Variants in ASIC2 observed in about 807,000 individuals in gnomAD.
ASIC2 encodes the protein acid-sensing ion channel 2.
In ASIC2, 25 loss-of-function variants were observed where a neutral mutation model predicts 57.3. That is an observed-to-expected ratio of 0.44 (90% CI 0.32 to 0.61). ASIC2 has a LOEUF of 0.61. Ranked by LOEUF, ASIC2 falls within the 20% of genes least tolerant of loss-of-function variation. The pLI is 0.06. For missense variants in ASIC2, 641 were observed against 738.1 expected, an observed-to-expected ratio of 0.87 and a Z score of 1.52; for synonymous variants, 319 against 307.5, an observed-to-expected ratio of 1.04 and a Z score of -0.39.
At chr17:33,193,304 C>T (rs1906498709) in intron 1 of ASIC2, among the ~76,000 whole-genome samples, 1 of 152,194 alleles carries the variant, frequency 6.6e-6, no homozygotes, top group Admixed American at 6.5e-5. Flanking sequence ...CACCCTCTCC[C>T]AGTTGACTGC....
intron 1 of ASIC2, among the ~76,000 whole-genome samples, chr17:33,546,125 A>AT (rs1915567571): frequency 1.3e-5 from 2 of 150,556 alleles, no homozygotes; most frequent in Non-Finnish European, 3.0e-5. Context: ...ATATATATGT[A>AT]AATATATATA....
intron 3 of ASIC2, among the ~76,000 whole-genome samples, chr17:33,046,862 C>T (rs974407163): frequency 2.6e-5 from 4 of 152,210 alleles, no homozygotes; most frequent in Non-Finnish European, 2.9e-5. Flanking sequence ...CGCTGGAGGC[C>T]GGGCAGAGTC....
intron 1 of ASIC2, among the ~76,000 whole-genome samples, chr17:33,602,109 T>C (rs995243902): frequency 1.3e-5 from 2 of 149,130 alleles, no homozygotes; most frequent in African/African-American, 2.4e-5. Flanking sequence ...TTATGTCTGA[T>C]TTAGATAAGA....
At chr17:33,549,198 A>G (rs1250748463) in intron 1 of ASIC2, among the ~76,000 whole-genome samples, 1 of 152,204 alleles carries the variant, frequency 6.6e-6, no homozygotes, top group African/African-American at 2.4e-5. Flanking sequence ...GCAGTGGAGC[A>G]AGAAGACCTC....
chr17:33,600,785 T>C (rs2055275614), intron 1 of ASIC2, among the ~76,000 whole-genome samples: 1 of 152,142 alleles, frequency 6.6e-6, no homozygotes, highest in African/African-American at 2.4e-5. Flanking sequence ...GCCAAAATCT[T>C]AGCAACTACT....
intron 1 of ASIC2, among the ~76,000 whole-genome samples, chr17:33,198,487 G>A (rs1241996729): frequency 1.3e-5 from 2 of 152,248 alleles, no homozygotes; most frequent in African/African-American, 4.8e-5. Context: ...GACCTGGGAT[G>A]ATACCCACAA....
At position 33,594,974 on chromosome 17, in the gene ASIC2, A is replaced by C. The variant is rs527753841; in HGVS notation, c.556-482907T>G. Among the ~76,000 whole-genome samples the C allele has an allele frequency of 2.0e-4, 31 of 152,224 alleles. 1 individual carries two copies. The South Asian group carries it at 6.2e-3, about 31-fold the overall frequency. On this transcript the variant is annotated intron_variant, in intron 1 of 9. Transcript: ENST00000359872. Reference sequence around the variant, plus strand: ...AGTGGCTCATGCCTGTAATTCTAGCACTTTGGGAGGCCCAGGTGGGATGAT... The same window carrying C: ...AGTGGCTCATGCCTGTAATTCTAGCCCTTTGGGAGGCCCAGGTGGGATGAT...
chr17:33,017,413 C>T (rs536259399), intron 8 of ASIC2, among the ~76,000 whole-genome samples, 192 bp downstream of exon 8: 7 of 152,154 alleles, frequency 4.6e-5, no homozygotes, highest in South Asian at 4.1e-4. Context: ...ACATCCACCG[C>T]CCCCCAAAAA....
At chr17:33,530,955 A>C (rs1349362266) in intron 1 of ASIC2, among the ~76,000 whole-genome samples, 1 of 152,222 alleles carries the variant, frequency 6.6e-6, no homozygotes, top group Non-Finnish European at 1.5e-5. Flanking sequence ...GTTAGCTACT[A>C]TCTTCCCATT....
At chr17:33,941,147 A>G (rs1916183773) in intron 1 of ASIC2, among the ~76,000 whole-genome samples, 1 of 152,116 alleles carries the variant, frequency 6.6e-6, no homozygotes, top group Admixed American at 6.5e-5. Context: ...AGCCTAGGTG[A>G]GCTCAACTGT....
At position 33,342,176 on chromosome 17, in the gene ASIC2, T is replaced by A. The variant is rs569857515; in HGVS notation, c.556-230109A>T. ...GGGAGCCTCAACAATACCACTCACA[T>A]GGTGCAGAAGGATAAGGTCCCTCCC... On this transcript the variant is annotated intron_variant, in intron 1 of 9. Coordinates refer to the ASIC2 transcript ENST00000359872. 3.3e-5 allele frequency among the ~76,000 whole-genome samples: 5 copies of A among 152,270 alleles called. No homozygotes were observed. In the South Asian group the frequency reaches 1.0e-3, roughly 32 times the overall value.
intron 1 of ASIC2, among the ~76,000 whole-genome samples, chr17:34,048,434 G>C (rs1396469625): frequency 6.6e-6 from 1 of 152,134 alleles, no homozygotes; most frequent in African/African-American, 2.4e-5. Flanking sequence ...GATTGCAATG[G>C]AATGAATCCT....
At chr17:33,975,261 G>T (rs963182924) in intron 1 of ASIC2, among the ~76,000 whole-genome samples, 2 of 152,180 alleles carry the variant, frequency 1.3e-5, no homozygotes, top group Non-Finnish European at 1.5e-5. Flanking sequence ...GGATGGCAAA[G>T]CCTGAACAGA....
chr17:33,602,367 T>TA, intron 1 of ASIC2, among the ~76,000 whole-genome samples: 1 of 152,266 alleles, frequency 6.6e-6, no homozygotes, highest in Non-Finnish European at 1.5e-5. Context: ...GTGAATAAAT[T>TA]AATGTCATTA....
chr17:33,266,852 A>G (rs1450133682), intron 1 of ASIC2, among the ~76,000 whole-genome samples: 6 of 152,176 alleles, frequency 3.9e-5, no homozygotes, highest in Non-Finnish European at 5.9e-5. Flanking sequence ...CTTTATTTCC[A>G]GTACACCAAC....
At chr17:33,346,726 A>G (rs1160815687) in intron 1 of ASIC2, among the ~76,000 whole-genome samples, 1 of 152,172 alleles carries the variant, frequency 6.6e-6, no homozygotes, top group African/African-American at 2.4e-5. Context: ...TTGCATGTAG[A>G]TTACTAAGGG....
At chr17:33,526,948 C>T (rs1914902390) in intron 1 of ASIC2, among the ~76,000 whole-genome samples, 1 of 152,198 alleles carries the variant, frequency 6.6e-6, no homozygotes, top group Admixed American at 6.5e-5. Context: ...ATTTGCTGAA[C>T]TTGCACATAA....
At chr17:33,059,979 T>C (rs528589278) in intron 3 of ASIC2, among the ~76,000 whole-genome samples, 2 of 152,376 alleles carry the variant, frequency 1.3e-5, no homozygotes, top group African/African-American at 4.8e-5. Flanking sequence ...TGTCTGTTCA[T>C]ATCCTTTGCC....
intron 3 of ASIC2, among the ~76,000 whole-genome samples, chr17:33,066,103 T>G (rs899420927): frequency 1.1e-4 from 16 of 152,132 alleles, no homozygotes; most frequent in African/African-American, 3.6e-4. Context: ...TCGGGGAGTA[T>G]GAACCCATCT....
Sources: gnomAD v4.1 joint callset for allele counts (sites outside exome capture counted in the v4.1 genomes callset) on GRCh38, gnomAD v4.1.1 for gene constraint, MANE v1.5 for transcripts, NCBI Gene and HGNC (gene_info 2026-07-23, HGNC 2026-07-21) for gene names.